MASTL: variants seen among roughly 807,000 people sequenced by gnomAD.
MASTL encodes serine/threonine-protein kinase greatwall.
MASTL carries 54 observed loss-of-function variants against 82.5 expected under a neutral mutation model. That is an observed-to-expected ratio of 0.65 (90% confidence interval 0.53 to 0.82). MASTL has a LOEUF of 0.82. Ranked by LOEUF, MASTL falls within the 40% of genes least tolerant of loss-of-function variation. The pLI is 0.00. For synonymous variants in MASTL, 323 were observed against 368.9 expected, an observed-to-expected ratio of 0.88 and a Z score of 1.43; for missense variants, 950 against 1,047.8, an observed-to-expected ratio of 0.91 and a Z score of 1.29.
intron 11 of MASTL, among the ~76,000 whole-genome samples, chr10:27,184,918 A>G (rs748311691): frequency 1.3e-5 from 2 of 152,206 alleles, no homozygotes; most frequent in Non-Finnish European, 2.9e-5. Flanking sequence ...ACAGGTAATG[A>G]AATGGCAGTA....
intron 9 of MASTL, among the ~76,000 whole-genome samples, chr10:27,175,634 C>T (rs1381826805): frequency 6.6e-6 from 1 of 151,894 alleles, no homozygotes; most frequent in Non-Finnish European, 1.5e-5. Flanking sequence ...CCTTTTTGCC[C>T]TACACGTGCT....
chr10:27,172,661 A>C (rs962791382), intron 8 of MASTL, among the ~76,000 whole-genome samples: 2 of 152,162 alleles, frequency 1.3e-5, no homozygotes, highest in Non-Finnish European at 2.9e-5. Flanking sequence ...TCTCAAAAAA[A>C]AAAACTTGTT....
intron 6 of MASTL, among the ~76,000 whole-genome samples, chr10:27,166,769 C>T (rs2057754679): frequency 6.6e-6 from 1 of 152,122 alleles, no homozygotes; most frequent in Non-Finnish European, 1.5e-5. Flanking sequence ...ATGAATTAGT[C>T]AATCAATCGA....
At chr10:27,177,554 A>G (rs929013150) in intron 9 of MASTL, among the ~76,000 whole-genome samples, 1 of 152,188 alleles carries the variant, frequency 6.6e-6, no homozygotes, top group Non-Finnish European at 1.5e-5. Context: ...GAGATGAGCC[A>G]GGGAGTCTGT....
chr10:27,173,010 C>T lies in MASTL; in HGVS notation c.2125-108C>T, dbSNP rs75539910. 6.2e-3 allele frequency: 7,926 copies of T among 1,285,660 alleles called. 281 individuals carry two copies. The East Asian group carries it at 0.1, about 16-fold the overall frequency. The allele number at this position is 1,285,660 out of a possible 1,614,324, so 79.6% of individuals were successfully genotyped here. A position where few individuals can be genotyped will look rare whatever the true frequency, so the allele number is the denominator to read the frequency against. On this transcript the variant is annotated intron_variant, in intron 8 of 11. Coordinates refer to ENST00000375940, the MANE Select transcript of MASTL (RefSeq NM_001172303.3). ...ATCAAAAATTTGACTACATCCTTTA[C>T]GCCTAGTAGCCTATGAGCTAGTTAT...
chr10:27,185,307 A>C (rs2058621854), intron 11 of MASTL, among the ~76,000 whole-genome samples: 1 of 151,980 alleles, frequency 6.6e-6, no homozygotes, highest in Non-Finnish European at 1.5e-5. Context: ...AGTAGGCCAC[A>C]CTCTCTTCCC....
chr10:27,155,676 GC>G, intron 1 of MASTL, 64 bp downstream of exon 1: 1 of 1,582,802 alleles, frequency 6.3e-7, no homozygotes, highest in Non-Finnish European at 8.6e-7. Flanking sequence ...TGCCCCACCG[GC>G]TTGGGCAGGC....
intron 7 of MASTL, among the ~76,000 whole-genome samples, chr10:27,167,718 A>G (rs1688379474): frequency 6.6e-6 from 1 of 152,252 alleles, no homozygotes; most frequent in Admixed American, 6.5e-5. Context: ...GATCAGAAAT[A>G]ACTTTTAGAC....
At chr10:27,177,988 TCTC>T (rs988747847) in intron 9 of MASTL, among the ~76,000 whole-genome samples, 3 of 152,240 alleles carry the variant, frequency 2.0e-5, no homozygotes, top group African/African-American at 7.2e-5. Flanking sequence ...AGGTGGTTCT[TCTC>T]TGTGAAAAGA....
chr10:27,158,009 G>A (rs2057450026), intron 1 of MASTL, among the ~76,000 whole-genome samples: 1 of 152,106 alleles, frequency 6.6e-6, no homozygotes, highest in South Asian at 2.1e-4. Flanking sequence ...GGCAGTCTGG[G>A]AATATTTAAT....
chr10:27,167,065 C>T, intron 6 of MASTL, 37 bp from the exon 7 acceptor site: 1 of 1,550,518 alleles, frequency 6.4e-7, no homozygotes, highest in Non-Finnish European at 8.9e-7. Flanking sequence ...ACTAAGAAAG[C>T]TGTAACATGG....
intron 4 of MASTL, among the ~76,000 whole-genome samples, chr10:27,163,717 A>C (rs555314641): frequency 2.9e-4 from 43 of 150,378 alleles, no homozygotes; most frequent in African/African-American, 1.1e-3. Context: ...TGCAAGCTCT[A>C]CCTCCTGGGT....
Position 27,187,443 on chromosome 10 carries a change from T to C in MASTL, c.*907T>C, listed in dbSNP as rs1458523445. On this transcript the variant is annotated 3_prime_UTR_variant, in exon 12 of 12. Transcript: ENST00000375940. ...ATTTCTATTGGTGCGTAGTCCACAA[T>C]ATGTATTTGTTTAAAATGGTACTGG... Among the ~76,000 whole-genome samples the C allele has an allele frequency of 6.6e-6, 1 of 152,112 alleles. No homozygotes were observed. The highest frequency in any genetic ancestry group is 1.9e-4 in the East Asian group (1 of 5,178).
intron 11 of MASTL, among the ~76,000 whole-genome samples, chr10:27,185,701 C>T (rs1447696177): frequency 2.0e-5 from 3 of 149,410 alleles, no homozygotes; most frequent in East Asian, 4.0e-4. Flanking sequence ...GGCACGAGAA[C>T]CACTCAACCT....
At chr10:27,172,941 C>A (rs1409625512) in intron 8 of MASTL, among the ~76,000 whole-genome samples, 177 bp from the exon 9 acceptor site, 1 of 152,044 alleles carries the variant, frequency 6.6e-6, no homozygotes, top group African/African-American at 2.4e-5. Context: ...GATAAAAGGA[C>A]TTTTTCATAA....
chr10:27,179,334 C>T (rs2058200601), intron 9 of MASTL, among the ~76,000 whole-genome samples: 2 of 152,072 alleles, frequency 1.3e-5, no homozygotes, highest in South Asian at 2.1e-4. Context: ...GCAGGTGGAT[C>T]GCAAGGTCAG....
At position 27,159,093 on chromosome 10, in the gene MASTL, A is replaced by G. The variant is rs1230820603; in HGVS notation, c.324+407A>G. Among the ~76,000 whole-genome samples, 3 of 152,190 alleles carry G rather than the reference A, an allele frequency of 2.0e-5. No individual in the cohort carries two copies. Among genetic ancestry groups the G allele is most frequent in the African/African-American group, 7.2e-5 (3 of 41,442 alleles). ...GGTGGTATGCAGCTAGCTAATAGAG[A>G]TACCATTGCACATAATTGCACCCCA... is the stretch of plus-strand genomic sequence containing the variant. On this transcript the variant is annotated intron_variant, in intron 2 of 11. Transcript: ENST00000375940. The surrounding 1 kb of genome is among the most constrained non-coding windows in gnomAD (Gnocchi z 4.0).
chr10:27,182,897 C>T (rs2058408584), intron 11 of MASTL, among the ~76,000 whole-genome samples: 1 of 151,826 alleles, frequency 6.6e-6, no homozygotes, highest in Admixed American at 6.6e-5. Context: ...ATCCTCCCAC[C>T]TCAGCCTCCC....
intron 9 of MASTL, among the ~76,000 whole-genome samples, chr10:27,174,353 T>TAA (rs964816834): frequency 1.1e-4 from 16 of 151,038 alleles, no homozygotes; most frequent in African/African-American, 3.9e-4. Flanking sequence ...AGACTCTGTC[T>TAA]AAAAAAAAAT....
Sources: allele counts gnomAD v4.1 joint callset (sites outside exome capture counted in the v4.1 genomes callset), GRCh38; gene constraint gnomAD v4.1.1; non-coding constraint Gnocchi (gnomAD v3.1); transcripts MANE v1.5; gene names NCBI Gene and HGNC (gene_info 2026-07-23, HGNC 2026-07-21).